The following SLC25A21 variants were observed in gnomAD, a reference collection of about 807,000 sequenced individuals.
The protein encoded by SLC25A21 is solute carrier family 25 member 21.
A neutral mutation model predicts 43.8 loss-of-function variants in SLC25A21; 47 were observed. The observed-to-expected ratio is 1.07, with a 90% CI of 0.85 to 1.37. SLC25A21 has a LOEUF of 1.37. Ranked by LOEUF, SLC25A21 falls within the 40% of genes most tolerant of loss-of-function variation. SLC25A21 has a pLI of 0.00. For missense variants in SLC25A21, 352 were observed against 350.2 expected (o/e 1.00, Z -0.04); for synonymous variants, 131 against 121.3 (o/e 1.08, Z -0.52).
intron 1 of SLC25A21, among the ~76,000 whole-genome samples, chr14:37,087,982 T>C (rs1962517060): frequency 6.6e-6 from 1 of 152,202 alleles, no homozygotes; most frequent in South Asian, 2.1e-4. Flanking sequence ...TCTTTGACAT[T>C]TTCATGTGCA....
intron 1 of SLC25A21, among the ~76,000 whole-genome samples, chr14:37,034,345 A>G (rs1204905175): frequency 6.6e-6 from 1 of 152,072 alleles, no homozygotes; most frequent in Non-Finnish European, 1.5e-5. Context: ...AGAGAGAATA[A>G]ACCCACTATA....
chr14:37,170,906 G>T (rs1254271084), intron 1 of SLC25A21, among the ~76,000 whole-genome samples: 1 of 141,046 alleles, frequency 7.1e-6, no homozygotes, highest in African/African-American at 2.6e-5. Context: ...GCAACATGGC[G>T]AAAGCCCGTC....
chr14:37,032,167 A>G (rs1339903178), intron 1 of SLC25A21, among the ~76,000 whole-genome samples: 3 of 152,162 alleles, frequency 2.0e-5, no homozygotes, highest in Admixed American at 6.5e-5. Context: ...TATAAATCAC[A>G]AGGATTATTT....
chr14:36,921,788 A>G (rs2138625145), intron 1 of SLC25A21, among the ~76,000 whole-genome samples: 1 of 152,252 alleles, frequency 6.6e-6, no homozygotes, highest in Non-Finnish European at 1.5e-5. Context: ...TCTCAGGCTG[A>G]ATATTTATGA....
At chr14:36,913,405 A>G (rs1891743356) in intron 1 of SLC25A21, among the ~76,000 whole-genome samples, 1 of 152,158 alleles carries the variant, frequency 6.6e-6, no homozygotes, top group South Asian at 2.1e-4. Context: ...CCTCCCGAGT[A>G]GTTGGGACCA....
chr14:36,955,660 CT>C (rs750553050), intron 1 of SLC25A21, among the ~76,000 whole-genome samples: 5 of 151,562 alleles, frequency 3.3e-5, no homozygotes. Flanking sequence ...GTAAAAGCCC[CT>C]CTCTTGATTT....
At chr14:36,884,379 T>A (rs1890854204) in intron 1 of SLC25A21, among the ~76,000 whole-genome samples, 1 of 152,206 alleles carries the variant, frequency 6.6e-6, no homozygotes, top group African/African-American at 2.4e-5. Flanking sequence ...CATTCACTGA[T>A]GGACATTTAG....
chr14:36,714,465 C>T (rs191668613), intron 6 of SLC25A21, among the ~76,000 whole-genome samples: 67 of 152,294 alleles, frequency 4.4e-4, no homozygotes, highest in Non-Finnish European at 6.6e-4. Context: ...AGCAGTAAAT[C>T]CTATAAATTG....
intron 1 of SLC25A21, among the ~76,000 whole-genome samples, chr14:36,941,185 A>G (rs1892548100): frequency 6.6e-6 from 1 of 152,078 alleles, no homozygotes; most frequent in Non-Finnish European, 1.5e-5. Flanking sequence ...GCATGTGATC[A>G]GGGACAGCAA....
At chr14:37,009,050 T>C (rs572717239) in intron 1 of SLC25A21, among the ~76,000 whole-genome samples, 2 of 152,318 alleles carry the variant, frequency 1.3e-5, no homozygotes, top group Middle Eastern at 3.4e-3. Flanking sequence ...AGAGCAAACA[T>C]AAAGCCCTCT....
At chr14:36,823,124 T>C (rs1171994874) in intron 2 of SLC25A21, among the ~76,000 whole-genome samples, 1 of 152,196 alleles carries the variant, frequency 6.6e-6, no homozygotes, top group Admixed American at 6.6e-5. Context: ...ACTTATGGGA[T>C]AATAACTAAC....
intron 2 of SLC25A21, among the ~76,000 whole-genome samples, chr14:36,856,052 C>T (rs975102849): frequency 6.6e-6 from 1 of 152,036 alleles, no homozygotes; most frequent in African/African-American, 2.4e-5. Context: ...TCAATAGAGT[C>T]GAGGTTGAGA....
chr14:36,997,153 T>TC (rs1418062634), intron 1 of SLC25A21, among the ~76,000 whole-genome samples: 1 of 151,958 alleles, frequency 6.6e-6, no homozygotes, highest in South Asian at 2.1e-4. Flanking sequence ...AATGAGGGAT[T>TC]CCCCCCGTCA....
intron 1 of SLC25A21, among the ~76,000 whole-genome samples, chr14:37,094,944 G>A (rs977846388): frequency 3.3e-5 from 5 of 152,098 alleles, no homozygotes; most frequent in African/African-American, 9.7e-5. Context: ...AAATTGCTAA[G>A]AGATTAAATT....
chr14:37,156,599 AC>A (rs939313767), intron 1 of SLC25A21, among the ~76,000 whole-genome samples: 31 of 152,110 alleles, frequency 2.0e-4, no homozygotes, highest in Non-Finnish European at 3.8e-4. Context: ...CTCCAGACAA[AC>A]AGAAACCAAA....
intron 7 of SLC25A21, among the ~76,000 whole-genome samples, chr14:36,685,742 A>AAAG (rs1407718149): frequency 1.3e-5 from 2 of 152,160 alleles, no homozygotes; most frequent in African/African-American, 2.4e-5. Context: ...TTCTGACATC[A>AAAG]AAGTATTTAA....
At chr14:36,896,470 C>T (rs1191001306) in intron 1 of SLC25A21, among the ~76,000 whole-genome samples, 1 of 152,164 alleles carries the variant, frequency 6.6e-6, no homozygotes, top group African/African-American at 2.4e-5. Context: ...ATACAGCATA[C>T]TGATGGGTCT....
chr14:36,716,025 A>G (rs149416104), intron 6 of SLC25A21, among the ~76,000 whole-genome samples: 7,166 of 152,218 alleles, frequency 0.047, 243 homozygotes, highest in Middle Eastern at 0.12. Context: ...CAGGAGGTGG[A>G]GGTTGCATTG....
At chr14:36,701,864 C>T (rs545533716) in intron 7 of SLC25A21, among the ~76,000 whole-genome samples, 1 of 152,134 alleles carries the variant, frequency 6.6e-6, no homozygotes, top group African/African-American at 2.4e-5. Flanking sequence ...CCAAGGAAAA[C>T]TAGCAAGCCA....
Sources: gnomAD v4.1 joint callset for allele counts (sites outside exome capture counted in the v4.1 genomes callset) on GRCh38, gnomAD v4.1.1 for gene constraint, MANE v1.5 for transcripts, NCBI Gene and HGNC (gene_info 2026-07-23, HGNC 2026-07-21) for gene names.